Variants in EEFSEC observed in about 807,000 individuals in gnomAD.
EEFSEC encodes the protein eukaryotic elongation factor, selenocysteine-tRNA specific.
EEFSEC carries 43 observed loss-of-function variants against 42.1 expected under a neutral mutation model. That is an observed-to-expected ratio of 1.02 (90% confidence interval 0.80 to 1.32). EEFSEC has a LOEUF of 1.32. Ranked by LOEUF, EEFSEC falls within the 40% of genes most tolerant of loss-of-function variation. The pLI, the probability that EEFSEC is intolerant of heterozygous loss-of-function variation, is 0.00. For synonymous variants in EEFSEC, 354 were observed against 339.1 expected, an observed-to-expected ratio of 1.04 and a Z score of -0.48; for missense variants, 745 against 803.6, an observed-to-expected ratio of 0.93 and a Z score of 0.88.
chr3:128,169,285 A>G lies in EEFSEC; in HGVS notation c.316+15462A>G, dbSNP rs554734500. On this transcript the variant is annotated intron_variant, in intron 1 of 6. Coordinates refer to ENST00000254730, the MANE Select transcript of EEFSEC (RefSeq NM_021937.5). ...GTTCCAGACCAAAGGTGTAGCACAC[A>G]TGAGGGTCCTGAGGCTGGACATCTC... 2.6e-5 allele frequency among the ~76,000 whole-genome samples: 4 copies of G among 152,188 alleles called. No homozygotes were observed. In the East Asian group the frequency reaches 7.7e-4, roughly 29 times the overall value.
At chr3:128,389,500 G>C (rs531076617) in intron 6 of EEFSEC, among the ~76,000 whole-genome samples, 2 of 152,370 alleles carry the variant, frequency 1.3e-5, no homozygotes, top group East Asian at 3.9e-4. Flanking sequence ...CAGGCCTAGA[G>C]CCCAGGTTTC....
intron 4 of EEFSEC, among the ~76,000 whole-genome samples, chr3:128,322,559 G>A (rs990762806): frequency 2.0e-5 from 3 of 152,254 alleles, no homozygotes; most frequent in Non-Finnish European, 2.9e-5. Context: ...AGCTTCCTGT[G>A]GCATCCGTGG....
intron 1 of EEFSEC, among the ~76,000 whole-genome samples, chr3:128,164,993 G>C (rs1456899353): frequency 6.6e-6 from 1 of 152,252 alleles, no homozygotes; most frequent in African/African-American, 2.4e-5. Context: ...AGCAGGGAAA[G>C]TGGGGCTCTG....
rs2811547 is a variant in EEFSEC, at chr3:128,300,585, A to G, written c.786+35804A>G. On this transcript the variant is annotated intron_variant, in intron 4 of 6. Transcript: ENST00000254730. Reference sequence around the variant, plus strand: ...AAAGGCCAGTGTGATGAAATATACTATTAATATATTATTAATGGCAATCAT... The same window carrying G: ...AAAGGCCAGTGTGATGAAATATACTGTTAATATATTATTAATGGCAATCAT... 8.2e-3 allele frequency among the ~76,000 whole-genome samples: 1,230 copies of G among 149,192 alleles called. 7 individuals are homozygous for G. The highest frequency in any genetic ancestry group is 0.016 in the South Asian group (76 of 4,746).
intron 4 of EEFSEC, among the ~76,000 whole-genome samples, chr3:128,294,652 G>A (rs2066682607): frequency 6.6e-6 from 1 of 152,172 alleles, no homozygotes; most frequent in African/African-American, 2.4e-5. Context: ...GATAGGGAGG[G>A]ACCCCAAGGG....
chr3:128,367,227 T>C (rs1441549822), intron 6 of EEFSEC, among the ~76,000 whole-genome samples: 2 of 152,202 alleles, frequency 1.3e-5, no homozygotes, highest in African/African-American at 4.8e-5. Flanking sequence ...TTCCAGTATA[T>C]GAATTTGAAG....
chr3:128,159,529 T>C (rs939985333), intron 1 of EEFSEC, among the ~76,000 whole-genome samples: 1 of 152,216 alleles, frequency 6.6e-6, no homozygotes, highest in African/African-American at 2.4e-5. Context: ...GACAAGACTT[T>C]CCAGTGAGTT....
chr3:128,307,609 T>C (rs951660562), intron 4 of EEFSEC, among the ~76,000 whole-genome samples: 2 of 152,208 alleles, frequency 1.3e-5, no homozygotes, highest in African/African-American at 4.8e-5. Context: ...CTGGATGAAC[T>C]GGGCAAAGTA....
In EEFSEC at chr3:128,358,350, G is replaced by A; in HGVS notation, c.1577G>A (p.Gly526Asp). ...GIIDSAFGQS[G>D]KFKIHIPGGL... ...ATCGACAGTGCCTTCGGCCAGAGCG[G>A]CAAGTTCAAGATCCACATCCCAGGT... is the stretch of plus-strand genomic sequence containing the variant. Residue 526 changes from glycine to aspartate, a missense_variant, in exon 6 of 7, where the codon GGC (glycine) becomes GAC (aspartate). Coordinates refer to ENST00000254730, the MANE Select transcript of EEFSEC (RefSeq NM_021937.5). The A allele has an allele frequency of 6.2e-7, 1 of 1,614,226 alleles. No individual in the cohort carries two copies. The highest frequency in any genetic ancestry group is 8.5e-7 in the Non-Finnish European group (1 of 1,180,024).
At chr3:128,284,551 G>A (rs995891790) in intron 4 of EEFSEC, among the ~76,000 whole-genome samples, 1 of 152,070 alleles carries the variant, frequency 6.6e-6, no homozygotes, top group African/African-American at 2.4e-5. Context: ...GCAGAGGGTC[G>A]GAGCAGGCTT....
chr3:128,409,326 C>T (rs79852834), downstream of EEFSEC, among the ~76,000 whole-genome samples: 6,634 of 152,144 alleles, frequency 0.044, 484 homozygotes, highest in African/African-American at 0.15. Context: ...GGGCAGGTTT[C>T]GATCAAATGA....
intron 1 of EEFSEC, among the ~76,000 whole-genome samples, chr3:128,169,982 T>C (rs2065278975): frequency 6.6e-6 from 1 of 152,182 alleles, no homozygotes; most frequent in African/African-American, 2.4e-5. Context: ...ATTTTGCCTT[T>C]TCTTTTTCCT....
At position 128,249,217 on chromosome 3, in the gene EEFSEC, A is replaced by T. The variant is rs551668446; in HGVS notation, c.524+2174A>T. On this transcript the variant is annotated intron_variant, in intron 2 of 6. Transcript: ENST00000254730. ...TATCAAAACCAAAAAAGTGTTCAAA[A>T]CATTAAATGTATTTTTTTCTGTCCA... Among the ~76,000 whole-genome samples the T allele has an allele frequency of 5.9e-5, 9 of 152,378 alleles. No individual in the cohort carries two copies. The East Asian group carries it at 1.5e-3, about 26-fold the overall frequency.
intron 6 of EEFSEC, among the ~76,000 whole-genome samples, chr3:128,362,425 T>G (rs2067538751): frequency 6.6e-6 from 1 of 152,210 alleles, no homozygotes; most frequent in Non-Finnish European, 1.5e-5. Flanking sequence ...GTGCCCGTGA[T>G]CTTATCTCCT....
intron 4 of EEFSEC, among the ~76,000 whole-genome samples, chr3:128,329,218 G>A (rs929007866): frequency 3.3e-5 from 5 of 152,188 alleles, no homozygotes; most frequent in Non-Finnish European, 7.4e-5. Flanking sequence ...TGGCTTGCTG[G>A]TCATACCCTT....
At chr3:128,296,368 G>A (rs1364799319) in intron 4 of EEFSEC, among the ~76,000 whole-genome samples, 4 of 152,124 alleles carry the variant, frequency 2.6e-5, no homozygotes, top group African/African-American at 9.7e-5. Context: ...ATGCCACTCT[G>A]TCCTCATCCT....
At chr3:128,176,147 C>T (rs975503718) in intron 1 of EEFSEC, among the ~76,000 whole-genome samples, 2 of 151,526 alleles carry the variant, frequency 1.3e-5, no homozygotes, top group African/African-American at 4.9e-5. Flanking sequence ...TATACGACTT[C>T]ATATAAAAAT....
At chr3:128,210,576 A>G (rs1450624968) in intron 1 of EEFSEC, among the ~76,000 whole-genome samples, 1 of 152,220 alleles carries the variant, frequency 6.6e-6, no homozygotes, top group Admixed American at 6.5e-5. Flanking sequence ...AGTGCTTGGG[A>G]TAACTGTGGC....
chr3:128,242,048 C>G (rs1290749217), intron 1 of EEFSEC, among the ~76,000 whole-genome samples: 1 of 152,190 alleles, frequency 6.6e-6, no homozygotes, highest in East Asian at 1.9e-4. Flanking sequence ...GGCACAGTGG[C>G]TCACGCCCGT....
Sources: allele counts gnomAD v4.1 joint callset (sites outside exome capture counted in the v4.1 genomes callset), GRCh38; gene constraint gnomAD v4.1.1; transcripts MANE v1.5; gene names NCBI Gene and HGNC (gene_info 2026-07-23, HGNC 2026-07-21).